Variants in PTPRA observed in about 807,000 individuals in gnomAD.
PTPRA encodes protein tyrosine phosphatase receptor type A.
Under a neutral mutation model 104.8 loss-of-function variants are expected in PTPRA, and 25 were observed. The observed-to-expected ratio is 0.24, with a 90% CI of 0.17 to 0.33. The LOEUF (loss-of-function observed/expected upper bound fraction) is 0.33. Among genes scored for constraint, PTPRA ranks in the 10% least tolerant of loss-of-function variants. PTPRA has a pLI of 1.00. For synonymous variants in PTPRA, 323 were observed against 368.9 expected (o/e 0.88, Z 1.43); for missense variants, 765 against 1,015.3 (o/e 0.75, Z 3.35).
In PTPRA at chr20:2,877,599, G is replaced by A. The variant is rs1308522473; in HGVS notation, c.-129+3839G>A. Among the ~76,000 whole-genome samples the A allele has an allele frequency of 3.9e-5, 6 of 152,020 alleles. No individual in the cohort carries two copies. In the East Asian group the frequency reaches 9.6e-4, roughly 24 times the overall value. On this transcript the variant is annotated intron_variant, in intron 1 of 23. Transcript: ENST00000399903. The stretch of plus-strand genomic sequence containing the variant: ...AGTGAGTCTGAGTACAACAAAAATA[G>A]CAATAATATAACACTAACTTAATAA...
chr20:2,926,472 G>A (rs1441264229), intron 2 of PTPRA, among the ~76,000 whole-genome samples: 1 of 152,018 alleles, frequency 6.6e-6, no homozygotes, highest in African/African-American at 2.4e-5. Context: ...AAATAAGTGC[G>A]CTAGTCATTG....
intron 9 of PTPRA, among the ~76,000 whole-genome samples, chr20:2,997,479 T>G (rs2063446757): frequency 6.6e-6 from 1 of 152,184 alleles, no homozygotes; most frequent in Non-Finnish European, 1.5e-5. Context: ...TGGTCAGGTC[T>G]CTATAAAAAG....
intron 1 of PTPRA, among the ~76,000 whole-genome samples, chr20:2,910,610 ATTTT>A (rs1352753968): frequency 2.2e-5 from 1 of 45,380 alleles, no homozygotes; most frequent in Non-Finnish European, 4.0e-5. Context: ...GTTTTTTTTA[ATTTT>A]TTTTTTTTTT....
chr20:2,905,388 G>A (rs1366154787), intron 1 of PTPRA, among the ~76,000 whole-genome samples: 1 of 152,132 alleles, frequency 6.6e-6, no homozygotes, highest in East Asian at 1.9e-4. Flanking sequence ...TGGCTGGTTG[G>A]CTGCTCTCTA....
At chr20:3,003,870 T>C (rs539179656) in intron 9 of PTPRA, among the ~76,000 whole-genome samples, 37 of 151,694 alleles carry the variant, frequency 2.4e-4, no homozygotes, top group Non-Finnish European at 4.9e-4. Context: ...TAATTTTGAA[T>C]ATATGAAACA....
intron 19 of PTPRA, 44 bp from the exon 20 acceptor site, chr20:3,027,663 G>T: frequency 6.2e-7 from 1 of 1,602,218 alleles, no homozygotes. Flanking sequence ...TAGTCCCTCT[G>T]TGATTAAACC....
chr20:3,004,741 A>ACT (rs1178312116), intron 9 of PTPRA, among the ~76,000 whole-genome samples: 9 of 152,234 alleles, frequency 5.9e-5, no homozygotes, highest in Admixed American at 5.2e-4. Flanking sequence ...TTACAAGGGT[A>ACT]GGCCCTTTTG....
At position 2,965,188 on chromosome 20, in the gene PTPRA, C is replaced by T; in HGVS notation, c.401C>T (p.Thr134Ile). Residue 134 changes from threonine to isoleucine, a missense_variant, in exon 5 of 24, where the codon ACT becomes ATT. Around this residue, in one of 4 missense-constraint regions of PTPRA, gnomAD observed 256 missense variants for 248.9 expected, o/e 1.03. Coordinates refer to ENST00000399903, the MANE Select transcript of PTPRA (RefSeq NM_001385305.1). ...NSSTAATTPE[T>I]FPPSGNSDSK... ...AGCACCGCAGCAACCACTCCAGAAA[C>T]TTTCCCTCCTTCAGGTACTAGAGAT... 6.2e-7 allele frequency: 1 copy of T among 1,610,912 alleles called. No individual in the cohort carries two copies. Among genetic ancestry groups the T allele is most frequent in the Non-Finnish European group, 8.5e-7 (1 of 1,177,410 alleles).
Position 2,964,865 on chromosome 20 carries a change from A to T in PTPRA, c.78A>T (p.Ala26=), listed in dbSNP as rs2061888803. The T allele has an allele frequency of 6.2e-7, 1 of 1,611,348 alleles. No homozygotes were observed. Among genetic ancestry groups the T allele is most frequent in the African/African-American group, 1.3e-5 (1 of 74,798 alleles). The change falls in exon 5 of 24, where the codon GCA becomes GCT. Residue 26 remains alanine, a synonymous_variant. Transcript: ENST00000399903. The stretch of plus-strand genomic sequence containing the variant: ...CTTGTTTTTTGGTGTTTGTAGTTGC[A>T]CCTTCTGTAGGAATTACAAGATTAA... The part of the protein sequence containing the change: ...CVSANNATTV[A]PSVGITRLIN...
rs10718361 is a variant in PTPRA at position 3,009,280 on chromosome 20, A to AT, written c.906+1870dup. ...GGGGTGGGGGGTGCTGAGTTGTGTG[A>AT]TTTTTTTTTTCTTCATCTGCACCCT... On this transcript the variant is annotated intron_variant, in intron 11 of 23. Transcript: ENST00000399903. Among the ~76,000 whole-genome samples the AT allele has an allele frequency of 6.5e-3, 983 of 150,694 alleles. 6 individuals carry two copies. Among genetic ancestry groups the AT allele is most frequent in the African/African-American group, 0.017 (706 of 40,982 alleles).
the PTPRA span, chr20:2,864,676 T>C: frequency 1.9e-6 from 3 of 1,609,218 alleles, no homozygotes; most frequent in Non-Finnish European, 2.5e-6. This position sits in a 1 kb window ranked among gnomAD's most constrained non-coding sequence, Gnocchi z 5.2. Context: ...ATGGGGCGTG[T>C]GGGGCGTGTG....
chr20:3,027,970 G>GT (rs2044017010), intron 20 of PTPRA, 129 bp downstream of exon 20: 1 of 1,273,146 alleles, frequency 7.9e-7, no homozygotes, highest in Admixed American at 2.4e-5. Flanking sequence ...CAAAGAGTAC[G>GT]TTTGCATAGT....
At chr20:2,873,246 C>A (rs938795399), upstream of PTPRA, among the ~76,000 whole-genome samples, 6 of 152,172 alleles carry the variant, frequency 3.9e-5, no homozygotes, top group African/African-American at 1.4e-4. The surrounding 1 kb of genome is among the most constrained non-coding windows in gnomAD (Gnocchi z 4.4). Flanking sequence ...GGCACTGGTG[C>A]ACTCGCAGCC....
intron 3 of PTPRA, among the ~76,000 whole-genome samples, chr20:2,953,501 C>T (rs568381280): frequency 1.3e-5 from 2 of 152,180 alleles, no homozygotes; most frequent in East Asian, 3.9e-4. Context: ...GATTCACCCG[C>T]CTCAGCCTCC....
chr20:3,018,055 C>T (rs2064556153), intron 13 of PTPRA, 142 bp downstream of exon 13: 2 of 716,022 alleles, frequency 2.8e-6, no homozygotes, highest in Non-Finnish European at 4.7e-6. Context: ...TCAGACTTTG[C>T]TATGGCCTGG....
At position 2,910,405 on chromosome 20, in the gene PTPRA, T is replaced by TGTATA. The variant is rs1568649918; in HGVS notation, c.-128-12802_-128-12801insGTATA. Among the ~76,000 whole-genome samples the TGTATA allele has an allele frequency of 1.7e-3, 83 of 49,198 alleles. 1 individual carries two copies. Among genetic ancestry groups the TGTATA allele is most frequent in the African/African-American group, 0.013 (81 of 6,038 alleles). 32.3% of individuals were successfully genotyped at this position (49,198 alleles called of 152,430 possible). On this transcript the variant is annotated intron_variant, in intron 1 of 23. Transcript: ENST00000399903. ...ATTATATATTTTATATATAATATAT[T>TGTATA]TTGTATATTATATAATATATAAAAT...
At chr20:2,913,873 T>G (rs1453543168) in intron 1 of PTPRA, among the ~76,000 whole-genome samples, 1 of 152,206 alleles carries the variant, frequency 6.6e-6, no homozygotes, top group African/African-American at 2.4e-5. Context: ...ACTTTCACCT[T>G]CTAGTTTTAG....
At chr20:2,975,903 A>G (rs1270274975) in intron 6 of PTPRA, among the ~76,000 whole-genome samples, 2 of 152,268 alleles carry the variant, frequency 1.3e-5, no homozygotes, top group Non-Finnish European at 2.9e-5. Flanking sequence ...TAAAAATGTT[A>G]CTATTCGAAG....
intron 22 of PTPRA, 66 bp downstream of exon 22, chr20:3,036,007 G>T: frequency 6.2e-7 from 1 of 1,607,128 alleles, no homozygotes. Context: ...GGAAGCTGAT[G>T]ACCATGGGTC....
Sources: allele counts gnomAD v4.1 joint callset (sites outside exome capture counted in the v4.1 genomes callset), GRCh38; gene constraint gnomAD v4.1.1; regional missense constraint gnomAD v4.1.1; non-coding constraint Gnocchi (gnomAD v3.1); transcripts MANE v1.5; gene names NCBI Gene and HGNC (gene_info 2026-07-23, HGNC 2026-07-21).